MGAT4C: variants seen among roughly 807,000 people sequenced by gnomAD.
MGAT4C encodes the protein MGAT4 family member C.
MGAT4C carries 19 observed loss-of-function variants against 40.1 expected under a neutral mutation model. The ratio of observed to expected loss-of-function variants is 0.47; its 90% CI spans 0.33 to 0.70. MGAT4C has a LOEUF of 0.70. Ranked by LOEUF, MGAT4C falls within the 30% of genes least tolerant of loss-of-function variation. The pLI, the probability that MGAT4C is intolerant of heterozygous loss-of-function variation, is 0.02. For synonymous variants in MGAT4C, 181 were observed against 187.1 expected (o/e 0.97, Z 0.27); for missense variants, 491 against 563.2 (o/e 0.87, Z 1.30).
intron 1 of MGAT4C, among the ~76,000 whole-genome samples, chr12:86,246,014 A>G (rs1439973998): frequency 6.6e-6 from 1 of 152,086 alleles, no homozygotes; most frequent in Non-Finnish European, 1.5e-5. Context: ...TTGTACATTC[A>G]TATTTATATA....
Position 85,979,491 on chromosome 12 carries a change from T to C in MGAT4C, c.1235A>G (p.Asp412Gly). ...GCTAGGCATAACGTTTTCCCCAACA[T>C]CTAGGGCTCCATGATGCAAAATATC... ...QNDILHHGAL[D>G]VGENVMPSKQ... Residue 412 changes from aspartate (D) to glycine (G), a missense_variant, in exon 5 of 5, where the codon GAT becomes GGT. Coordinates refer to ENST00000611864, the MANE Select transcript of MGAT4C (RefSeq NM_001351288.2). 2 of 1,613,368 alleles carry C rather than the reference T, an allele frequency of 1.2e-6. No individual in the cohort carries two copies. The highest frequency in any genetic ancestry group is 1.7e-6 in the Non-Finnish European group (2 of 1,179,540).
intron 4 of MGAT4C, among the ~76,000 whole-genome samples, chr12:86,324,309 A>G (rs1954469542): frequency 6.6e-6 from 1 of 151,978 alleles, no homozygotes; most frequent in African/African-American, 2.4e-5. Context: ...ATTATGTTGT[A>G]TTAGTGACCA....
At chr12:86,818,564 A>T (rs1035563360) in intron 1 of MGAT4C, among the ~76,000 whole-genome samples, 1 of 151,130 alleles carries the variant, frequency 6.6e-6, no homozygotes, top group Non-Finnish European at 1.5e-5. Context: ...TGATTCTAGA[A>T]TTGATAGAAT....
chr12:86,045,993 C>G (rs996334172), intron 2 of MGAT4C, among the ~76,000 whole-genome samples: 7 of 152,188 alleles, frequency 4.6e-5, no homozygotes, highest in African/African-American at 1.7e-4. Flanking sequence ...TGAACACTTG[C>G]AGTGTAGAGC....
At chr12:86,794,120 T>C (rs1020929616) in intron 1 of MGAT4C, among the ~76,000 whole-genome samples, 1 of 151,912 alleles carries the variant, frequency 6.6e-6, no homozygotes, top group Non-Finnish European at 1.5e-5. Context: ...GATGAATTAA[T>C]ATAGTTACAT....
At chr12:86,746,167 G>A (rs1161127081) in intron 1 of MGAT4C, among the ~76,000 whole-genome samples, 1 of 151,634 alleles carries the variant, frequency 6.6e-6, no homozygotes, top group African/African-American at 2.4e-5. Flanking sequence ...TCAAGGCAGA[G>A]CAAACACTTG....
At position 86,474,613 on chromosome 12, in the gene MGAT4C, CT is replaced by C. The variant is rs960953932; in HGVS notation, c.-228-39349del. ...AAATTACAAATACACACACTTACATCTGGGGAGGTTAAACTGATTTTATGAA... is the reference window on the plus strand; with the variant it reads ...AAATTACAAATACACACACTTACATCGGGGAGGTTAAACTGATTTTATGAA... On this transcript the variant is annotated intron_variant, in intron 2 of 7. Coordinates refer to the MGAT4C transcript ENST00000548651. 5.1e-4 allele frequency among the ~76,000 whole-genome samples: 78 copies of C among 151,964 alleles called. 1 individual carries two copies. The highest frequency in any genetic ancestry group is 1.7e-3 in the African/African-American group (72 of 41,364).
At chr12:86,133,369 C>T (rs1294462094) in intron 1 of MGAT4C, among the ~76,000 whole-genome samples, 1 of 152,134 alleles carries the variant, frequency 6.6e-6, no homozygotes, top group Admixed American at 6.5e-5. Context: ...TTGTAAATGA[C>T]GACTTTGTTA....
intron 2 of MGAT4C, among the ~76,000 whole-genome samples, chr12:86,484,466 G>A (rs943995276): frequency 1.2e-4 from 18 of 152,204 alleles, no homozygotes; most frequent in African/African-American, 4.3e-4. Context: ...CTGGTGCTTT[G>A]CCTGCAGTCC....
chr12:86,175,500 T>G (rs1887303768), intron 1 of MGAT4C, among the ~76,000 whole-genome samples: 1 of 152,178 alleles, frequency 6.6e-6, no homozygotes, highest in African/African-American at 2.4e-5. Flanking sequence ...TTTGTTTTTA[T>G]TTATGTCTTC....
chr12:86,310,647 C>T (rs1954049946), intron 4 of MGAT4C, among the ~76,000 whole-genome samples: 1 of 152,116 alleles, frequency 6.6e-6, no homozygotes, highest in Admixed American at 6.5e-5. Flanking sequence ...GCAGGCCGGG[C>T]ACAGTGGCTC....
At chr12:86,793,044 T>C (rs1952053164) in intron 1 of MGAT4C, among the ~76,000 whole-genome samples, 1 of 152,218 alleles carries the variant, frequency 6.6e-6, no homozygotes, top group South Asian at 2.1e-4. Context: ...TAGTGCAGTT[T>C]CTTCACGCCT....
chr12:86,091,330 G>A (rs1872842692), intron 1 of MGAT4C, among the ~76,000 whole-genome samples: 1 of 151,900 alleles, frequency 6.6e-6, no homozygotes, highest in Admixed American at 6.6e-5. Flanking sequence ...TATTGTGATG[G>A]GCTGTTAACC....
At chr12:86,200,008 A>T (rs1334956398) in intron 1 of MGAT4C, among the ~76,000 whole-genome samples, 1 of 152,024 alleles carries the variant, frequency 6.6e-6, no homozygotes, top group Admixed American at 6.6e-5. Context: ...GAATTTCCTC[A>T]TGACCCCTTC....
At chr12:86,479,253 A>G (rs1449261695) in intron 2 of MGAT4C, among the ~76,000 whole-genome samples, 3 of 152,058 alleles carry the variant, frequency 2.0e-5, no homozygotes, top group Non-Finnish European at 4.4e-5. Context: ...GAGCCTGCCA[A>G]TATAAAAATG....
intron 2 of MGAT4C, among the ~76,000 whole-genome samples, chr12:86,592,136 G>A (rs1311762801): frequency 6.6e-6 from 1 of 152,062 alleles, no homozygotes; most frequent in Non-Finnish European, 1.5e-5. Context: ...ATTTCATTTT[G>A]TAACTAAAGG....
At chr12:86,727,627 T>A (rs1362751183) in intron 1 of MGAT4C, among the ~76,000 whole-genome samples, 4 of 152,028 alleles carry the variant, frequency 2.6e-5, no homozygotes, top group Admixed American at 2.0e-4. Context: ...TACAAAAATT[T>A]TAAAACAGTA....
chr12:86,633,064 T>G (rs1593064652), intron 2 of MGAT4C, among the ~76,000 whole-genome samples: 1 of 151,888 alleles, frequency 6.6e-6, no homozygotes, highest in Non-Finnish European at 1.5e-5. Flanking sequence ...ATTATATATT[T>G]GAAGGGATAA....
At chr12:86,825,865 C>T (rs1006977135) in intron 1 of MGAT4C, among the ~76,000 whole-genome samples, 1 of 151,288 alleles carries the variant, frequency 6.6e-6, no homozygotes, top group African/African-American at 2.4e-5. Context: ...CTGACTAAAA[C>T]AAGAAACACA....
Sources: gnomAD v4.1 joint callset for allele counts (sites outside exome capture counted in the v4.1 genomes callset) on GRCh38, gnomAD v4.1.1 for gene constraint, MANE v1.5 for transcripts, NCBI Gene and HGNC (gene_info 2026-07-23, HGNC 2026-07-21) for gene names.